Variants in TCP11L2 observed in about 807,000 individuals in gnomAD.
TCP11L2 encodes the protein t-complex 11 like 2, also known as T-complex protein 11-like protein 2.
A neutral mutation model predicts 50.7 loss-of-function variants in TCP11L2; 39 were observed. The ratio of observed to expected loss-of-function variants is 0.77; its 90% CI spans 0.60 to 1.01. The LOEUF (loss-of-function observed/expected upper bound fraction) is 1.01. Among genes scored for constraint, TCP11L2 ranks in the 50% least tolerant of loss-of-function variants. The pLI is 0.00. For synonymous variants in TCP11L2, 192 were observed against 219.3 expected (o/e 0.88, Z 1.10); for missense variants, 612 against 614.7 (o/e 1.00, Z 0.05).
intron 6 of TCP11L2, 35 bp from the exon 7 acceptor site, chr12:106,335,604 G>T (rs2035889007): frequency 6.2e-7 from 1 of 1,604,538 alleles, no homozygotes; most frequent in African/African-American, 1.3e-5. Flanking sequence ...GGATCAATCA[G>T]CTGTAGAACA....
At chr12:106,340,721 G>A (rs564823717) in intron 8 of TCP11L2, 105 bp from the exon 9 acceptor site, 2 of 934,838 alleles carry the variant, frequency 2.1e-6, no homozygotes, top group South Asian at 3.7e-5. Flanking sequence ...ATTATTGTCT[G>A]TATAAGAGAA....
chr12:106,325,093 C>G (rs779324054), intron 6 of TCP11L2: 12 of 152,212 alleles, frequency 7.9e-5, no homozygotes, highest in Admixed American at 1.3e-4. Flanking sequence ...TTTACCTGTA[C>G]AAACTAATTT....
chr12:106,317,015 A>G (rs1392950994), intron 3 of TCP11L2, among the ~76,000 whole-genome samples: 1 of 152,212 alleles, frequency 6.6e-6, no homozygotes, highest in Non-Finnish European at 1.5e-5. Flanking sequence ...TGCTGAGACC[A>G]TACCTGAACC....
At chr12:106,308,889 T>G (rs576014511) in intron 1 of TCP11L2, among the ~76,000 whole-genome samples, 25 of 152,308 alleles carry the variant, frequency 1.6e-4, no homozygotes, top group African/African-American at 6.0e-4. Context: ...GTCATATACT[T>G]GGCGCTGGTC....
At position 106,346,520 on chromosome 12, in the gene TCP11L2, C is replaced by G; in HGVS notation, c.1550C>G (p.Pro517Arg). Residue 517 changes from proline (P) to arginine (R), a missense_variant, in exon 10 of 10, where the codon CCT becomes CGT. Physicochemically the swap from Pro to Arg is moderately radical, Grantham distance 103. Coordinates refer to ENST00000299045, the MANE Select transcript of TCP11L2 (RefSeq NM_152772.3). ...EAMGKVDASP[P>R]TN ...ATGGGGAAGGTAGATGCTTCACCTC[C>G]TACTAACTAAAGAAGAACTGACATT... 2 of 1,611,866 alleles carry G rather than the reference C, an allele frequency of 1.2e-6. No homozygotes were observed. The highest frequency in any genetic ancestry group is 1.7e-6 in the Non-Finnish European group (2 of 1,178,972).
At chr12:106,312,257 A>ATTTTTTTTTTT (rs55891003) in intron 2 of TCP11L2, 3 of 291,620 alleles carry the variant, frequency 1.0e-5, no homozygotes, top group East Asian at 1.1e-4. Context: ...TTTAGTTTCC[A>ATTTTTTTTTTT]TTTTTTTTTT....
chr12:106,332,412 A>G (rs1270598818), intron 6 of TCP11L2, among the ~76,000 whole-genome samples: 3 of 152,220 alleles, frequency 2.0e-5, no homozygotes, highest in South Asian at 2.1e-4. Flanking sequence ...ATGGCTTTCA[A>G]CAGGTAAGTA....
At chr12:106,345,173 T>G (rs2036194742) in intron 9 of TCP11L2, among the ~76,000 whole-genome samples, 2 of 152,110 alleles carry the variant, frequency 1.3e-5, no homozygotes, top group Admixed American at 6.5e-5. Flanking sequence ...TTTTAAATTT[T>G]TTTTGTAGAG....
intron 6 of TCP11L2, among the ~76,000 whole-genome samples, chr12:106,334,270 ATGTT>A (rs2035837899): frequency 6.6e-6 from 1 of 152,186 alleles, no homozygotes; most frequent in Non-Finnish European, 1.5e-5. Flanking sequence ...TAGGAAGGAC[ATGTT>A]TGTTGGATTT....
At chr12:106,316,080 C>T (rs2035067684) in intron 3 of TCP11L2, among the ~76,000 whole-genome samples, 3 of 144,266 alleles carry the variant, frequency 2.1e-5, no homozygotes, top group Non-Finnish European at 4.5e-5. Context: ...TGCCATGTAT[C>T]GTGGGTGTAT....
chr12:106,345,130 G>A (rs973258394), intron 9 of TCP11L2, among the ~76,000 whole-genome samples: 2 of 152,118 alleles, frequency 1.3e-5, no homozygotes, highest in Non-Finnish European at 2.9e-5. Context: ...AAGTAGCTGG[G>A]ACTACAGGCA....
intron 5 of TCP11L2, among the ~76,000 whole-genome samples, chr12:106,323,105 C>T (rs1431861844): frequency 6.6e-6 from 1 of 152,190 alleles, no homozygotes. Context: ...TGGGTTTGGG[C>T]ATGAGGCTGC....
chr12:106,306,415 T>G (rs1431321125), intron 1 of TCP11L2, among the ~76,000 whole-genome samples: 2 of 152,232 alleles, frequency 1.3e-5, no homozygotes, highest in Admixed American at 6.5e-5. Context: ...TGGCCCTTTA[T>G]TCCTAAATAC....
chr12:106,310,765 A>G (rs2034822027), intron 1 of TCP11L2, among the ~76,000 whole-genome samples: 1 of 152,222 alleles, frequency 6.6e-6, no homozygotes, highest in South Asian at 2.1e-4. Flanking sequence ...ATCTTTTTAA[A>G]AAGGACCTGC....
chr12:106,308,000 T>G (rs1221439629), intron 1 of TCP11L2, among the ~76,000 whole-genome samples: 1 of 152,226 alleles, frequency 6.6e-6, no homozygotes, highest in Non-Finnish European at 1.5e-5. Flanking sequence ...AATGGGCATT[T>G]TGGCTTCAAA....
At chr12:106,311,375 G>C in intron 2 of TCP11L2, 143 bp downstream of exon 2, 1 of 915,122 alleles carries the variant, frequency 1.1e-6, no homozygotes, top group Non-Finnish European at 1.6e-6. Flanking sequence ...AGGCACTGCA[G>C]CTTTCCGGGA....
chr12:106,329,275 A>G, intron 6 of TCP11L2: 1 of 1,535,078 alleles, frequency 6.5e-7, no homozygotes, highest in Non-Finnish European at 8.7e-7. Flanking sequence ...GTAGGTGCCC[A>G]GTGGTTTTCG....
rs1382161503 is a variant in TCP11L2 at position 106,323,661 on chromosome 12, A to C, written c.772+15A>C. On this transcript the variant is annotated intron_variant, in intron 6 of 9. Coordinates refer to ENST00000299045, the MANE Select transcript of TCP11L2 (RefSeq NM_152772.3). ...AGAAACTCCAAGTGAGTATAATATAATGTGTATTTATATTGAAATTAGGTT... is the reference window on the plus strand; with the variant it reads ...AGAAACTCCAAGTGAGTATAATATACTGTGTATTTATATTGAAATTAGGTT... 1 of 1,384,232 alleles carries C rather than the reference A, an allele frequency of 7.2e-7. No individual in the cohort carries two copies. The highest frequency in any genetic ancestry group is 1.5e-5 in the African/African-American group (1 of 68,208). 85.7% of individuals were successfully genotyped at this position (1,384,232 alleles called of 1,614,324 possible).
intron 6 of TCP11L2, chr12:106,324,838 A>T (rs2035481506): frequency 6.6e-6 from 1 of 152,208 alleles, no homozygotes; most frequent in Non-Finnish European, 1.5e-5. Context: ...AACTGGTGAG[A>T]CCAGGAGAAA....
Sources: allele counts gnomAD v4.1 joint callset (sites outside exome capture counted in the v4.1 genomes callset), GRCh38; gene constraint gnomAD v4.1.1; transcripts MANE v1.5; gene names NCBI Gene and HGNC (gene_info 2026-07-23, HGNC 2026-07-21).